SHANK2: variants seen among roughly 807,000 people sequenced by gnomAD.
SHANK2 encodes SH3 and multiple ankyrin repeat domains 2, also known as SH3 and multiple ankyrin repeat domains protein 2.
SHANK2 carries 43 observed loss-of-function variants against 133.7 expected under a neutral mutation model. The observed-to-expected ratio is 0.32, with a 90% CI of 0.25 to 0.41. SHANK2 has a LOEUF of 0.41. Among genes scored for constraint, SHANK2 ranks in the 10% least tolerant of loss-of-function variants. SHANK2 has a pLI of 1.00. For missense variants in SHANK2, 1,994 were observed against 2,235.8 expected, an observed-to-expected ratio of 0.89 and a Z score of 2.18; for synonymous variants, 1,017 against 952.8, an observed-to-expected ratio of 1.07 and a Z score of -1.24.
At chr11:70,792,394 G>GCCAACCAACCAACCAACCAA (rs57783483) in intron 14 of SHANK2, among the ~76,000 whole-genome samples, 1 of 144,082 alleles carries the variant, frequency 6.9e-6, no homozygotes, top group Non-Finnish European at 1.5e-5. Context: ...CAGCCAACCA[G>GCCAACCAACCAACCAACCAA]CCAACCAACC....
chr11:70,808,199 C>T (rs1447110189), intron 12 of SHANK2, among the ~76,000 whole-genome samples: 2 of 152,016 alleles, frequency 1.3e-5, no homozygotes, highest in Non-Finnish European at 2.9e-5. Flanking sequence ...CACTATTTTA[C>T]TTCATTTTAT....
At chr11:70,716,895 G>GCCCC (rs60827522) in intron 14 of SHANK2, among the ~76,000 whole-genome samples, 3 of 138,390 alleles carry the variant, frequency 2.2e-5, no homozygotes, top group African/African-American at 8.8e-5. Flanking sequence ...GGGTCCCGGA[G>GCCCC]CCCCCCCCCC....
chr11:71,103,975 C>T (rs368579466), intron 6 of SHANK2, among the ~76,000 whole-genome samples: 149 of 151,812 alleles, frequency 9.8e-4, no homozygotes, highest in African/African-American at 3.5e-3. Context: ...CCTGCTCTCC[C>T]TTTGCCTTCC....
In SHANK2 at chr11:70,642,515, C is replaced by T. The variant is rs185770980; in HGVS notation, c.2061+17313G>A. Among the ~76,000 whole-genome samples the T allele has an allele frequency of 1.6e-4, 24 of 152,296 alleles. No individual in the cohort carries two copies. The South Asian group carries it at 4.6e-3, about 29-fold the overall frequency. On this transcript the variant is annotated intron_variant, in intron 17 of 25. Coordinates refer to ENST00000601538, the MANE Select transcript of SHANK2 (RefSeq NM_012309.5). ...GGTAGCTTTGTTAGATTTATGGGGA[C>T]GGCGGCTCAGCCTGTCTAATCGCAG...
chr11:71,179,795 T>C (rs978446957), intron 2 of SHANK2, among the ~76,000 whole-genome samples: 5 of 152,260 alleles, frequency 3.3e-5, no homozygotes, highest in South Asian at 4.2e-4. Context: ...CAATGAATGA[T>C]TGGAAGTTGA....
chr11:70,749,683 T>C (rs1946715886), intron 14 of SHANK2, among the ~76,000 whole-genome samples: 1 of 151,990 alleles, frequency 6.6e-6, no homozygotes, highest in Non-Finnish European at 1.5e-5. Context: ...AGGAACCAAA[T>C]GAAAATGTTA....
intron 10 of SHANK2, among the ~76,000 whole-genome samples, chr11:70,898,282 G>GCACACA (rs71467421): frequency 0.19 from 25,405 of 135,198 alleles, 2,958 homozygotes; most frequent in Middle Eastern, 0.29. Context: ...ATACACACAC[G>GCACACA]CACACACACA....
intron 10 of SHANK2, among the ~76,000 whole-genome samples, chr11:70,921,051 T>C (rs1950343031): frequency 6.6e-6 from 1 of 152,136 alleles, no homozygotes; most frequent in Non-Finnish European, 1.5e-5. Flanking sequence ...TGTCTCGCCA[T>C]ACCAGAAAAT....
At chr11:70,832,051 G>A (rs547854568) in intron 11 of SHANK2, among the ~76,000 whole-genome samples, 1 of 152,346 alleles carries the variant, frequency 6.6e-6, no homozygotes, top group African/African-American at 2.4e-5. Context: ...ACGCAACACC[G>A]TGGGGACACC....
chr11:71,133,439 G>GGGAGGGAC (rs1226139756), intron 3 of SHANK2, among the ~76,000 whole-genome samples: 1 of 130,828 alleles, frequency 7.6e-6, no homozygotes, highest in African/African-American at 3.4e-5. Flanking sequence ...GAGGGAGGGA[G>GGGAGGGAC]GGACGGACGG....
chr11:70,637,899 T>C (rs1357567385), intron 17 of SHANK2, among the ~76,000 whole-genome samples: 3 of 152,170 alleles, frequency 2.0e-5, no homozygotes, highest in Admixed American at 2.0e-4. Context: ...GTCTGCGAGC[T>C]GCCCACAGCT....
At chr11:70,812,892 T>A (rs1948308628) in intron 12 of SHANK2, among the ~76,000 whole-genome samples, 1 of 152,110 alleles carries the variant, frequency 6.6e-6, no homozygotes, top group Non-Finnish European at 1.5e-5. Flanking sequence ...ATTCTTAAAA[T>A]GAAAAAATTG....
At chr11:70,727,891 T>C (rs1175784101) in intron 14 of SHANK2, among the ~76,000 whole-genome samples, 1 of 152,172 alleles carries the variant, frequency 6.6e-6, no homozygotes, top group African/African-American at 2.4e-5. Flanking sequence ...AAAAGAAAAC[T>C]TCCAGAGCAG....
At chr11:70,841,146 C>G (rs1488300379) in intron 11 of SHANK2, among the ~76,000 whole-genome samples, 1 of 152,154 alleles carries the variant, frequency 6.6e-6, no homozygotes, top group African/African-American at 2.4e-5. Context: ...TAGCGGGCAC[C>G]TATAATCCCA....
chr11:70,585,486 C>T (rs1281789201), intron 17 of SHANK2, among the ~76,000 whole-genome samples: 1 of 152,232 alleles, frequency 6.6e-6, no homozygotes, highest in Non-Finnish European at 1.5e-5. Context: ...TGGCATTTAA[C>T]ACAAATTGAC....
rs782157290 is a variant in SHANK2 at position 70,599,901 on chromosome 11, GAAAGAGAAAGAA to G, written c.2061+59915_2061+59926del. Among the ~76,000 whole-genome samples, 50 of 80,150 alleles carry G rather than the reference GAAAGAGAAAGAA, an allele frequency of 6.2e-4. 2 individuals are homozygous for G. The highest frequency in any genetic ancestry group is 3.5e-3 in the East Asian group (6 of 1,692). The allele number at this position is 80,150 out of a possible 152,430, so 52.6% of individuals were successfully genotyped here. Reference sequence around the variant, plus strand: ...AAAGAAAGAAAGAAAAAGAAAGAAAGAAAGAGAAAGAAAGAAAGAAAGAAAGAAAGAAAGAAA... The same window carrying G: ...AAAGAAAGAAAGAAAAAGAAAGAAAGAGAAAGAAAGAAAGAAAGAAAGAAA... On this transcript the variant is annotated intron_variant, in intron 17 of 25. Coordinates refer to ENST00000601538, the MANE Select transcript of SHANK2 (RefSeq NM_012309.5).
chr11:70,769,459 C>A (rs1359761622), intron 14 of SHANK2, among the ~76,000 whole-genome samples: 1 of 152,196 alleles, frequency 6.6e-6, no homozygotes, highest in Non-Finnish European at 1.5e-5. Context: ...TGTGCCAGAG[C>A]TCAAGGACAG....
At chr11:70,836,704 T>A (rs1453797583) in intron 11 of SHANK2, among the ~76,000 whole-genome samples, 1 of 152,178 alleles carries the variant, frequency 6.6e-6, no homozygotes, top group East Asian at 1.9e-4. Context: ...CAGGACACAT[T>A]CAAGCACTAG....
chr11:70,927,487 G>T (rs1300058757), intron 10 of SHANK2, among the ~76,000 whole-genome samples: 1 of 152,024 alleles, frequency 6.6e-6, no homozygotes, highest in Non-Finnish European at 1.5e-5. Context: ...GACATGGGGA[G>T]AGGGCAGGCG....
Sources: allele counts gnomAD v4.1 joint callset (sites outside exome capture counted in the v4.1 genomes callset), GRCh38; gene constraint gnomAD v4.1.1; transcripts MANE v1.5; gene names NCBI Gene and HGNC (gene_info 2026-07-23, HGNC 2026-07-21).